Variants in CTBS observed in about 807,000 individuals in gnomAD.
The protein encoded by CTBS is di-N-acetylchitobiase.
In CTBS, 35 loss-of-function variants were observed where a neutral mutation model predicts 44.3. The observed-to-expected ratio is 0.79, with a 90% CI of 0.60 to 1.05. The LOEUF (loss-of-function observed/expected upper bound fraction) is 1.05, where lower values mean the gene tolerates loss of function less well. Ranked by LOEUF, CTBS falls within the 50% of genes least tolerant of loss-of-function variation. CTBS has a pLI of 0.00. For synonymous variants in CTBS, 143 were observed against 168.0 expected (o/e 0.85, Z 1.15); for missense variants, 458 against 475.3 (o/e 0.96, Z 0.34).
At chr1:84,561,589 C>A (rs1450076879) in intron 6 of CTBS, among the ~76,000 whole-genome samples, 2 of 152,156 alleles carry the variant, frequency 1.3e-5, no homozygotes, top group Non-Finnish European at 2.9e-5. Context: ...AATCAAATAG[C>A]ATCACGTTTT....
intron 3 of CTBS, among the ~76,000 whole-genome samples, chr1:84,567,402 A>G (rs953513055): frequency 1.9e-4 from 29 of 152,208 alleles, no homozygotes; most frequent in African/African-American, 7.0e-4. Flanking sequence ...GAGTGTTTTC[A>G]CCAGGATTTT....
At chr1:84,573,770 G>T (rs1347136875) in intron 1 of CTBS, 2 of 440,054 alleles carry the variant, frequency 4.5e-6, no homozygotes, top group Non-Finnish European at 6.0e-6. Flanking sequence ...TTCATGGGTG[G>T]TTTTGAGGTA....
At chr1:84,559,541 A>G (rs1684548065) in intron 6 of CTBS, among the ~76,000 whole-genome samples, 1 of 151,960 alleles carries the variant, frequency 6.6e-6, no homozygotes, top group African/African-American at 2.4e-5. Context: ...AGACTCACTT[A>G]CACCTAGGAG....
intron 6 of CTBS, among the ~76,000 whole-genome samples, chr1:84,561,929 A>T (rs1684603791): frequency 6.6e-6 from 1 of 152,194 alleles, no homozygotes; most frequent in Non-Finnish European, 1.5e-5. Context: ...AATTCATGTC[A>T]CTTGCTTTAT....
rs1020431729 is a variant in CTBS at position 84,553,256 on chromosome 1, G to T, written c.*1743C>A. The T allele has an allele frequency of 3.8e-6, 2 of 526,668 alleles. No homozygotes were observed. The highest frequency in any genetic ancestry group is 2.0e-5 in the African/African-American group (1 of 50,098). The allele number at this position is 526,668 out of a possible 1,614,324, so 32.6% of individuals were successfully genotyped here. On this transcript the variant is annotated 3_prime_UTR_variant, in exon 7 of 7. Coordinates refer to ENST00000370630, the MANE Select transcript of CTBS (RefSeq NM_004388.3). ...TTCTCTTTCTCCACTTTCCATGTGG[G>T]TATTACAAAATGTTTCAGGAAATAT... is the stretch of plus-strand genomic sequence containing the variant.
At chr1:84,569,434 C>T (rs943393436) in intron 3 of CTBS, among the ~76,000 whole-genome samples, 5 of 152,154 alleles carry the variant, frequency 3.3e-5, no homozygotes, top group African/African-American at 1.2e-4. Flanking sequence ...TGTGTTGTTA[C>T]CTTCTGCTCT....
At chr1:84,573,995 C>G in intron 1 of CTBS, 1 of 1,375,486 alleles carries the variant, frequency 7.3e-7, no homozygotes, top group Non-Finnish European at 9.4e-7. Context: ...GGAGGCAGAT[C>G]TGGTTTGAAC....
chr1:84,554,894 A>G lies in CTBS; in HGVS notation c.*105T>C. The stretch of plus-strand genomic sequence containing the variant: ...AAACATTTATTTATTCTTTTTTTTT[A>G]GTATACGGATAACAAAAGTATATAG... On this transcript the variant is annotated 3_prime_UTR_variant, in exon 7 of 7. Transcript: ENST00000370630. The G allele has an allele frequency of 1.3e-6, 1 of 798,684 alleles. No individual in the cohort carries two copies. Among genetic ancestry groups the G allele is most frequent in the Admixed American group, 2.7e-5 (1 of 37,208 alleles). The allele number at this position is 798,684 out of a possible 1,614,324, so 49.5% of individuals were successfully genotyped here.
In CTBS at chr1:84,574,111, G is replaced by A. The variant is rs1024249912; in HGVS notation, c.177+128C>T. The A allele has an allele frequency of 9.5e-5, 142 of 1,492,884 alleles. 2 individuals are homozygous for A. In the South Asian group the frequency reaches 1.7e-3, roughly 18 times the overall value. 92.5% of individuals were successfully genotyped at this position (1,492,884 alleles called of 1,614,324 possible). ...TATAAATTGAAGGATCCGTAAACAG[G>A]AAGGCCCTCATCGAGTGGTCAAAGC... is the stretch of plus-strand genomic sequence containing the variant. On this transcript the variant is annotated intron_variant, in intron 1 of 6. Transcript: ENST00000370630.
In CTBS at chr1:84,570,050, C is replaced by T; in HGVS notation, c.406G>A (p.Asp136Asn). 6.2e-7 allele frequency: 1 copy of T among 1,613,500 alleles called. No homozygotes were observed. Among genetic ancestry groups the T allele is most frequent in the African/African-American group, 1.3e-5 (1 of 74,990 alleles). The change falls in exon 3 of 7, where the codon GAT (aspartate) becomes AAT (asparagine). Residue 136 changes from aspartate to asparagine, a missense_variant. Transcript: ENST00000370630. Reference protein sequence around the residue: ...KLNLAKTQYMDGINIDIEQEV... With the variant: ...KLNLAKTQYMNGINIDIEQEV... ...TGCTCTATATCTATATTAATTCCAT[C>T]CATATATTGTGTTTTGGCCAAATTA...
chr1:84,559,948 A>G (rs1389460174), intron 6 of CTBS, among the ~76,000 whole-genome samples: 1 of 151,630 alleles, frequency 6.6e-6, no homozygotes, highest in East Asian at 2.0e-4. Context: ...AGCCCGGCAT[A>G]GTGGCGGGCA....
In CTBS at chr1:84,549,630, TTTA is replaced by T. The variant is rs1684211405; in HGVS notation, c.*5366_*5368del. ...CTTGAATCAGAGACATGAAGTTTAT[TTTA>T]TTATTAATTCCACCATATAATTAAA... On this transcript the variant is annotated 3_prime_UTR_variant, in exon 7 of 7. Transcript: ENST00000370630. 1 of 152,090 alleles carries T rather than the reference TTTA, an allele frequency of 6.6e-6. No individual in the cohort carries two copies. Among genetic ancestry groups the T allele is most frequent in the Admixed American group, 6.6e-5 (1 of 15,250 alleles). 9.4% of individuals were successfully genotyped at this position (152,090 alleles called of 1,614,324 possible). A position where few individuals can be genotyped will look rare whatever the true frequency, so the allele number is the denominator to read the frequency against.
chr1:84,570,522 T>C (rs1232626282), intron 2 of CTBS, 60 bp downstream of exon 2: 20 of 1,476,112 alleles, frequency 1.4e-5, no homozygotes, highest in Middle Eastern at 1.8e-4. Flanking sequence ...GTCGGGACTA[T>C]AGCAAGTGAT....
At chr1:84,557,707 A>T (rs1475009087) in intron 6 of CTBS, among the ~76,000 whole-genome samples, 1 of 151,164 alleles carries the variant, frequency 6.6e-6, no homozygotes, top group Non-Finnish European at 1.5e-5. Context: ...AATACAAAAA[A>T]ATTAGCCAGG....
intron 6 of CTBS, among the ~76,000 whole-genome samples, chr1:84,558,289 T>C (rs1281285447): frequency 6.8e-6 from 1 of 147,586 alleles, no homozygotes; most frequent in Non-Finnish European, 1.5e-5. Flanking sequence ...TGCCTGCCAT[T>C]AAACTTTTTT....
intron 3 of CTBS, among the ~76,000 whole-genome samples, chr1:84,569,701 T>G (rs1343659297): frequency 1.3e-5 from 2 of 152,200 alleles, no homozygotes; most frequent in Non-Finnish European, 2.9e-5. Context: ...ACAAGGCAAG[T>G]AGTGGGGGTA....
At chr1:84,574,148 C>T (rs1647395963) in intron 1 of CTBS, 91 bp downstream of exon 1, 2 of 1,537,624 alleles carry the variant, frequency 1.3e-6, no homozygotes, top group Non-Finnish European at 1.8e-6. Flanking sequence ...GGTTTCGGCG[C>T]CCACGGCACC....
rs2102013181 is a variant in CTBS at position 84,554,228 on chromosome 1, A to T, written c.*771T>A. 1 of 150,140 alleles carries T rather than the reference A, an allele frequency of 6.7e-6. No individual in the cohort carries two copies. Among genetic ancestry groups the T allele is most frequent in the Non-Finnish European group, 1.5e-5 (1 of 67,996 alleles). The allele number at this position is 150,140 out of a possible 1,614,324, so 9.3% of individuals were successfully genotyped here. ...TCCATAAATGAAGAAATGAATAATT[A>T]GAAGTGTGACAGTGAACAGAATCAA... On this transcript the variant is annotated 3_prime_UTR_variant, in exon 7 of 7. Coordinates refer to ENST00000370630, the MANE Select transcript of CTBS (RefSeq NM_004388.3).
chr1:84,571,329 G>A (rs1448800745), intron 1 of CTBS, among the ~76,000 whole-genome samples: 1 of 152,154 alleles, frequency 6.6e-6, no homozygotes, highest in East Asian at 1.9e-4. Context: ...TCCTAAGGAG[G>A]CAAAATTGAC....
Sources: allele counts gnomAD v4.1 joint callset (sites outside exome capture counted in the v4.1 genomes callset), GRCh38; gene constraint gnomAD v4.1.1; transcripts MANE v1.5; gene names NCBI Gene and HGNC (gene_info 2026-07-23, HGNC 2026-07-21).